ASNS: variants seen among roughly 807,000 people sequenced by gnomAD.
ASNS encodes asparagine synthetase [glutamine-hydrolyzing].
Under a neutral mutation model 62.6 loss-of-function variants are expected in ASNS, and 37 were observed. That is an observed-to-expected ratio of 0.59 (90% CI 0.45 to 0.78). ASNS has a LOEUF of 0.78. Ranked by LOEUF, ASNS falls within the 30% of genes least tolerant of loss-of-function variation. The pLI, the probability that ASNS is intolerant of heterozygous loss-of-function variation, is 0.00. For synonymous variants in ASNS, 207 were observed against 237.9 expected (o/e 0.87, Z 1.19); for missense variants, 520 against 682.4 (o/e 0.76, Z 2.65).
the ASNS span, among the ~76,000 whole-genome samples, chr7:97,888,207 C>T: frequency 2.6e-5 from 4 of 152,202 alleles, no homozygotes; most frequent in Non-Finnish European, 4.4e-5. Flanking sequence ...CTCCTGGCCT[C>T]AAGCAGTCCT....
At chr7:97,876,875 C>T (rs77481048), upstream of ASNS, among the ~76,000 whole-genome samples, 2 of 152,142 alleles carry the variant, frequency 1.3e-5, no homozygotes, top group South Asian at 2.1e-4. Flanking sequence ...TTTTAGTGGA[C>T]GCTGTAATGA....
the ASNS span, among the ~76,000 whole-genome samples, chr7:97,880,330 G>A: frequency 0.13 from 19,372 of 152,030 alleles, 1,847 homozygotes; most frequent in African/African-American, 0.28. Flanking sequence ...ACTCATGTTC[G>A]CCAGGCAGAT....
At chr7:97,883,378 G>T in the ASNS span, among the ~76,000 whole-genome samples, 1 of 151,812 alleles carries the variant, frequency 6.6e-6, no homozygotes, top group Non-Finnish European at 1.5e-5. Context: ...GGCCCACTTG[G>T]GTATGTTTTT....
chr7:97,900,371 A>AC, the ASNS span, among the ~76,000 whole-genome samples: 27 of 150,922 alleles, frequency 1.8e-4, no homozygotes, highest in East Asian at 5.0e-3. Flanking sequence ...AAAAAAAAAA[A>AC]AAAAAAAAAA....
chr7:97,907,806 G>C, the ASNS span, among the ~76,000 whole-genome samples: 1 of 151,776 alleles, frequency 6.6e-6, no homozygotes, highest in Non-Finnish European at 1.5e-5. Flanking sequence ...CTGTGGATGG[G>C]TGCCTATAAT....
chr7:97,887,461 G>T, the ASNS span, among the ~76,000 whole-genome samples: 743 of 152,308 alleles, frequency 4.9e-3, 2 homozygotes, highest in African/African-American at 0.017. Context: ...TGAAGAATCG[G>T]AGTATATTTC....
the ASNS span, among the ~76,000 whole-genome samples, chr7:97,909,626 C>T: frequency 6.6e-6 from 1 of 152,148 alleles, no homozygotes; most frequent in Non-Finnish European, 1.5e-5. Flanking sequence ...TACACTTTTA[C>T]AGAAGATCTG....
chr7:97,900,360 C>CAAAAAAAAAAAAA, the ASNS span, among the ~76,000 whole-genome samples: 8 of 89,364 alleles, frequency 9.0e-5, no homozygotes, highest in South Asian at 4.1e-4. Context: ...GACTTTGTCT[C>CAAAAAAAAAAAAA]AAAAAAAAAA....
intron 5 of ASNS, 54 bp downstream of exon 5, chr7:97,859,159 A>C: frequency 6.5e-7 from 1 of 1,547,216 alleles, no homozygotes; most frequent in East Asian, 2.3e-5. Flanking sequence ...AATACAACTT[A>C]AAATTTTTTT....
chr7:97,891,764 A>ATGGCCTTGG, the ASNS span, among the ~76,000 whole-genome samples: 4 of 152,190 alleles, frequency 2.6e-5, no homozygotes, highest in African/African-American at 9.7e-5. Context: ...GTGGGCTCCC[A>ATGGCCTTGG]TGGCCTTGGG....
the ASNS span, among the ~76,000 whole-genome samples, chr7:97,924,492 C>A: frequency 1.3e-5 from 2 of 152,182 alleles, no homozygotes; most frequent in Non-Finnish European, 1.5e-5. Flanking sequence ...CCTGTGTAGT[C>A]CAGCTGTGCT....
the ASNS span, among the ~76,000 whole-genome samples, chr7:97,892,993 A>C: frequency 9.3e-4 from 142 of 152,374 alleles, no homozygotes; most frequent in Non-Finnish European, 1.5e-3. Context: ...ATTTTCACAC[A>C]GCTGATAAAG....
At chr7:97,889,927 C>CAAATAAAAA in the ASNS span, among the ~76,000 whole-genome samples, 1 of 38,558 alleles carries the variant, frequency 2.6e-5, no homozygotes, top group Non-Finnish European at 4.3e-5. Flanking sequence ...ATAATGAATA[C>CAAATAAAAA]AAAAAAAAAA....
At chr7:97,923,064 A>G in the ASNS span, among the ~76,000 whole-genome samples, 1 of 152,156 alleles carries the variant, frequency 6.6e-6, no homozygotes, top group Admixed American at 6.5e-5. Flanking sequence ...TGCTGGGATT[A>G]CAGGTGTGAG....
chr7:97,909,294 C>CTTT, the ASNS span, among the ~76,000 whole-genome samples: 8 of 72,668 alleles, frequency 1.1e-4, no homozygotes, highest in African/African-American at 4.0e-4. Flanking sequence ...CTCACATACA[C>CTTT]TTTTTTTTTT....
the ASNS span, among the ~76,000 whole-genome samples, chr7:97,903,310 T>C: frequency 1.3e-5 from 2 of 151,428 alleles, no homozygotes; most frequent in Admixed American, 6.6e-5. Context: ...TCTTTCTGTC[T>C]CATTTTCAAG....
chr7:97,892,507 C>G, the ASNS span, among the ~76,000 whole-genome samples: 2 of 152,050 alleles, frequency 1.3e-5, no homozygotes. Context: ...TCCAAACTTT[C>G]ATGCTCTGCT....
the ASNS span, among the ~76,000 whole-genome samples, chr7:97,899,786 A>T: frequency 6.6e-6 from 1 of 151,924 alleles, no homozygotes; most frequent in South Asian, 2.1e-4. Flanking sequence ...ATGTGGGTAG[A>T]CAACAATAGG....
chr7:97,883,495 C>T, the ASNS span, among the ~76,000 whole-genome samples: 4 of 152,170 alleles, frequency 2.6e-5, no homozygotes, highest in African/African-American at 9.7e-5. Context: ...CACTGCTCAG[C>T]CACTCTCCTG....
Sources: allele counts gnomAD v4.1 joint callset (sites outside exome capture counted in the v4.1 genomes callset), GRCh38; gene constraint gnomAD v4.1.1; transcripts MANE v1.5; gene names NCBI Gene and HGNC (gene_info 2026-07-23, HGNC 2026-07-21).